Variants in TMEM71 observed in about 807,000 individuals in gnomAD.
TMEM71 encodes transmembrane protein 71.
In TMEM71, 44 loss-of-function variants were observed where a neutral mutation model predicts 38.0. The observed-to-expected ratio is 1.16, with a 90% CI of 0.91 to 1.49. The LOEUF (loss-of-function observed/expected upper bound fraction) is 1.49, where lower values mean the gene tolerates loss of function less well. Among genes scored for constraint, TMEM71 ranks in the 40% most tolerant of loss-of-function variants. The pLI, the probability that TMEM71 is intolerant of heterozygous loss-of-function variation, is 0.00. For missense variants in TMEM71, 367 were observed against 348.6 expected (o/e 1.05, Z -0.42); for synonymous variants, 133 against 122.5 (o/e 1.09, Z -0.56).
At chr8:132,751,650 C>A (rs1223207558) in intron 4 of TMEM71, 135 bp downstream of exon 4, 3 of 818,302 alleles carry the variant, frequency 3.7e-6, no homozygotes, top group Non-Finnish European at 6.0e-6. Flanking sequence ...CAGGTCCCCT[C>A]TTACCCTTTG....
the TMEM71 span, among the ~76,000 whole-genome samples, chr8:132,768,422 G>T: frequency 6.6e-6 from 1 of 152,124 alleles, no homozygotes; most frequent in Non-Finnish European, 1.5e-5. Context: ...GAGGCAGGCA[G>T]ATCATTTGCT....
chr8:132,747,334 T>C lies in TMEM71; in HGVS notation c.315-220A>G, dbSNP rs949639541. 3.3e-5 allele frequency among the ~76,000 whole-genome samples: 5 copies of C among 152,298 alleles called. No individual in the cohort carries two copies. In the East Asian group the frequency reaches 9.7e-4, roughly 29 times the overall value. On this transcript the variant is annotated intron_variant, in intron 4 of 9. Coordinates refer to ENST00000677595, the MANE Select transcript of TMEM71 (RefSeq NM_001382403.1). ...TGTGTGTGAAAAGTTCACAATGTAT[T>C]ATAGGAGAAAGAAAGAAATAATAAT...
chr8:132,725,217 A>C (rs1320706604), intron 6 of TMEM71, among the ~76,000 whole-genome samples: 1 of 152,028 alleles, frequency 6.6e-6, no homozygotes, highest in Non-Finnish European at 1.5e-5. Flanking sequence ...TTTTGTAGAA[A>C]TGGGGTCTCA....
intron 6 of TMEM71, among the ~76,000 whole-genome samples, chr8:132,723,405 GT>G (rs1022212536): frequency 2.0e-5 from 3 of 152,170 alleles, no homozygotes; most frequent in African/African-American, 7.2e-5. Context: ...AAAGATATGA[GT>G]TGTGTGATTT....
rs2130985474 is a variant in TMEM71 at position 132,710,352 on chromosome 8, A to G, written c.*615T>C. 6.5e-6 allele frequency: 1 copy of G among 152,750 alleles called. No individual in the cohort carries two copies. Among genetic ancestry groups the G allele is most frequent in the Admixed American group, 6.5e-5 (1 of 15,316 alleles). 9.5% of individuals were successfully genotyped at this position (152,750 alleles called of 1,614,324 possible). A position where few individuals can be genotyped will look rare whatever the true frequency, so the allele number is the denominator to read the frequency against. On this transcript the variant is annotated 3_prime_UTR_variant, in exon 10 of 10. Coordinates refer to ENST00000677595, the MANE Select transcript of TMEM71 (RefSeq NM_001382403.1). ...AAAAACTTGGTTTAGAACGTGGTTC[A>G]AAAGAATATAACTTTCAGAAAATGC...
chr8:132,736,339 G>A (rs557533519), intron 5 of TMEM71, among the ~76,000 whole-genome samples: 1 of 152,286 alleles, frequency 6.6e-6, no homozygotes, highest in South Asian at 2.1e-4. Context: ...GTGAGCCTGA[G>A]TAAGCCATTC....
rs555720342 is a variant in TMEM71 at position 132,713,888 on chromosome 8, A to G, written c.872+107T>C. The stretch of plus-strand genomic sequence containing the variant: ...AAAGTAGTCTTCAGGACGAATGATC[A>G]GGATGTTTCCTGTCATTGCCATCTA... On this transcript the variant is annotated intron_variant, in intron 9 of 9. Transcript: ENST00000677595. 17 of 1,059,038 alleles carry G rather than the reference A, an allele frequency of 1.6e-5. No individual in the cohort carries two copies. In the African/African-American group the frequency reaches 2.4e-4, roughly 15 times the overall value. The allele number at this position is 1,059,038 out of a possible 1,614,324, so 65.6% of individuals were successfully genotyped here.
chr8:132,735,074 T>C (rs895983412), intron 5 of TMEM71, among the ~76,000 whole-genome samples: 4 of 152,216 alleles, frequency 2.6e-5, no homozygotes, highest in African/African-American at 9.6e-5. Context: ...TTTCCAGGAC[T>C]GGCAGAAATA....
intron 7 of TMEM71, 24 bp downstream of exon 7, chr8:132,722,016 G>T (rs1400447135): frequency 3.1e-6 from 5 of 1,589,720 alleles, no homozygotes; most frequent in Admixed American, 1.7e-5. Flanking sequence ...AAATACCGCT[G>T]CATGAAAATA....
chr8:132,735,455 G>A (rs918183624), intron 5 of TMEM71, among the ~76,000 whole-genome samples: 41 of 152,114 alleles, frequency 2.7e-4, no homozygotes, highest in Admixed American at 2.1e-3. Context: ...TAAAAGTCAC[G>A]GGGCCTTGGG....
At chr8:132,728,866 C>G (rs961259392) in intron 5 of TMEM71, among the ~76,000 whole-genome samples, 4 of 152,140 alleles carry the variant, frequency 2.6e-5, no homozygotes, top group Non-Finnish European at 5.9e-5. Context: ...AAGAAAATAT[C>G]TTGTGATAAG....
At chr8:132,722,922 T>C (rs1422571925) in intron 6 of TMEM71, among the ~76,000 whole-genome samples, 2 of 152,180 alleles carry the variant, frequency 1.3e-5, no homozygotes, top group Non-Finnish European at 2.9e-5. Flanking sequence ...TAAAGCTGAT[T>C]TGAGGATTAC....
chr8:132,772,814 CTAAATT>C, the TMEM71 span, among the ~76,000 whole-genome samples: 1 of 152,136 alleles, frequency 6.6e-6, no homozygotes, highest in Non-Finnish European at 1.5e-5. Flanking sequence ...GTGCTTGTAT[CTAAATT>C]TAGATTTCCC....
chr8:132,765,963 T>C, the TMEM71 span, among the ~76,000 whole-genome samples: 4 of 151,976 alleles, frequency 2.6e-5, no homozygotes, highest in Non-Finnish European at 5.9e-5. Context: ...TTGTATCTTT[T>C]AGTACAGATG....
chr8:132,765,061 A>C (rs1829346201), upstream of TMEM71, among the ~76,000 whole-genome samples: 1 of 152,240 alleles, frequency 6.6e-6, no homozygotes, highest in Non-Finnish European at 1.5e-5. Context: ...CAGTTATGCC[A>C]CAGTAAAAAT....
intron 7 of TMEM71, among the ~76,000 whole-genome samples, chr8:132,716,101 C>T (rs1429638247): frequency 1.3e-5 from 2 of 152,188 alleles, no homozygotes; most frequent in Non-Finnish European, 1.5e-5. Flanking sequence ...GGTGCAGCTG[C>T]AGCCGCTCAG....
At chr8:132,757,213 A>T (rs1423857651) in intron 3 of TMEM71, 21 bp downstream of exon 3, 2 of 1,588,052 alleles carry the variant, frequency 1.3e-6, no homozygotes, top group East Asian at 2.3e-5. Flanking sequence ...TTATTTTTTT[A>T]AAAGAAGCCC....
chr8:132,713,245 C>T (rs1240608611), intron 9 of TMEM71, among the ~76,000 whole-genome samples: 1 of 145,844 alleles, frequency 6.9e-6, no homozygotes, highest in Non-Finnish European at 1.5e-5. Flanking sequence ...TGTATGTGCA[C>T]CCCCAGAAAC....
chr8:132,767,476 TG>T, the TMEM71 span, among the ~76,000 whole-genome samples: 7 of 142,378 alleles, frequency 4.9e-5, no homozygotes, highest in Non-Finnish European at 7.7e-5. Context: ...CCTACCTCTT[TG>T]GTTTTTTTTT....
Sources: gnomAD v4.1 joint callset for allele counts (sites outside exome capture counted in the v4.1 genomes callset) on GRCh38, gnomAD v4.1.1 for gene constraint, MANE v1.5 for transcripts, NCBI Gene and HGNC (gene_info 2026-07-23, HGNC 2026-07-21) for gene names.